DIAPH3: variants seen among roughly 807,000 people sequenced by gnomAD.
DIAPH3 encodes the protein diaphanous related formin 3, also known as protein diaphanous homolog 3.
In DIAPH3, 117 loss-of-function variants were observed where a neutral mutation model predicts 144.3. The observed-to-expected ratio is 0.81, with a 90% CI of 0.70 to 0.95. The LOEUF (loss-of-function observed/expected upper bound fraction) is 0.95. Ranked by LOEUF, DIAPH3 falls within the 40% of genes least tolerant of loss-of-function variation. DIAPH3 has a pLI of 0.00. For missense variants in DIAPH3, 1,421 were observed against 1,412.7 expected, an observed-to-expected ratio of 1.01 and a Z score of -0.09; for synonymous variants, 519 against 488.9, an observed-to-expected ratio of 1.06 and a Z score of -0.81.
rs1425099387 is a variant in DIAPH3 at position 59,750,752 on chromosome 13, C to G, written c.3319+23437G>C. Among the ~76,000 whole-genome samples the G allele has an allele frequency of 2.0e-5, 3 of 152,132 alleles. No homozygotes were observed. The East Asian group carries it at 5.8e-4, about 29-fold the overall frequency. ...TTTAGATGGAAATAAAAGGAATAAC[C>G]GTTGATCTGTCTCCTATAGCCTCTG... On this transcript the variant is annotated intron_variant, in intron 27 of 27. Coordinates refer to ENST00000400324, the MANE Select transcript of DIAPH3 (RefSeq NM_001042517.2).
intron 21 of DIAPH3, among the ~76,000 whole-genome samples, chr13:59,866,206 A>G (rs1383864387): frequency 6.6e-6 from 1 of 152,020 alleles, no homozygotes; most frequent in African/African-American, 2.4e-5. Context: ...GCCAAATAAT[A>G]TAACACATGT....
chr13:60,126,588 C>G (rs1293395634), intron 2 of DIAPH3, among the ~76,000 whole-genome samples: 1 of 152,118 alleles, frequency 6.6e-6, no homozygotes, highest in Non-Finnish European at 1.5e-5. Context: ...AAGATGTGAA[C>G]AGCACTACCA....
At chr13:59,843,415 G>A (rs994266458) in intron 22 of DIAPH3, among the ~76,000 whole-genome samples, 2 of 152,062 alleles carry the variant, frequency 1.3e-5, no homozygotes, top group Non-Finnish European at 2.9e-5. Flanking sequence ...GGTGGGAGAG[G>A]GACTTAGTCC....
At chr13:60,096,155 G>T (rs1475242349) in intron 3 of DIAPH3, among the ~76,000 whole-genome samples, 1 of 152,148 alleles carries the variant, frequency 6.6e-6, no homozygotes, top group Non-Finnish European at 1.5e-5. Flanking sequence ...ATAGTTAGGG[G>T]ATAATTGTTA....
At chr13:59,702,886 T>A (rs1242824108) in intron 27 of DIAPH3, among the ~76,000 whole-genome samples, 1 of 152,172 alleles carries the variant, frequency 6.6e-6, no homozygotes, top group East Asian at 1.9e-4. Flanking sequence ...CCTGCACTCA[T>A]GTGCAAGGCT....
In DIAPH3 at chr13:59,810,938, A is replaced by G. The variant is rs975879648; in HGVS notation, c.3028-15T>C. On this transcript the variant is annotated splice_polypyrimidine_tract_variant and intron_variant, in intron 24 of 27. Coordinates refer to ENST00000400324, the MANE Select transcript of DIAPH3 (RefSeq NM_001042517.2). The stretch of plus-strand genomic sequence containing the variant: ...TTTATTGCTTGCTAAAAAAATTTTG[A>G]AAAATGATCAATTTTAACCAGTGAT... The G allele has an allele frequency of 2.5e-6, 4 of 1,591,268 alleles. No individual in the cohort carries two copies. The African/African-American group carries it at 5.4e-5, about 22-fold the overall frequency.
chr13:59,888,170 G>C (rs556531742), intron 20 of DIAPH3, among the ~76,000 whole-genome samples: 2 of 152,060 alleles, frequency 1.3e-5, no homozygotes, highest in Non-Finnish European at 2.9e-5. Flanking sequence ...GGGGCCTTTG[G>C]GGGTGATTGG....
intron 5 of DIAPH3, chr13:60,034,346 T>A (rs1257570746): frequency 6.6e-6 from 1 of 152,248 alleles, no homozygotes; most frequent in Non-Finnish European, 1.5e-5. Flanking sequence ...TAAAGTTTAA[T>A]GAGTTTTTTT....
chr13:60,019,611 A>AC (rs1216160071), intron 5 of DIAPH3, among the ~76,000 whole-genome samples: 1 of 17,960 alleles, frequency 5.6e-5, no homozygotes, highest in Non-Finnish European at 1.2e-4. Context: ...ATAAAAATTA[A>AC]AAAAAAAAAA....
chr13:59,781,728 C>T (rs1312780974), intron 25 of DIAPH3, among the ~76,000 whole-genome samples: 1 of 152,196 alleles, frequency 6.6e-6, no homozygotes, highest in African/African-American at 2.4e-5. Flanking sequence ...TTTGAGAAGT[C>T]TCTATTAATC....
At chr13:59,723,374 T>C (rs192313442) in intron 27 of DIAPH3, among the ~76,000 whole-genome samples, 1 of 152,282 alleles carries the variant, frequency 6.6e-6, no homozygotes, top group East Asian at 1.9e-4. Context: ...ACATGCTACA[T>C]CTGCTCCTGC....
In DIAPH3 at chr13:60,021,595, T is replaced by C. The variant is rs376229161; in HGVS notation, c.627-5450A>G. Among the ~76,000 whole-genome samples the C allele has an allele frequency of 3.3e-4, 50 of 151,008 alleles. 1 individual carries two copies. In the East Asian group the frequency reaches 5.7e-3, roughly 17 times the overall value. ...GCCAAGATGGTGCCTGGGCTCCATC[T>C]TGCCCAGACAACAAGTGCAAGATGG... On this transcript the variant is annotated intron_variant, in intron 5 of 27. Transcript: ENST00000400324.
chr13:59,872,623 T>G (rs1242540291), intron 21 of DIAPH3, among the ~76,000 whole-genome samples: 1 of 152,240 alleles, frequency 6.6e-6, no homozygotes, highest in Non-Finnish European at 1.5e-5. Context: ...ATGCAGACCC[T>G]TGATAAAGGA....
intron 4 of DIAPH3, among the ~76,000 whole-genome samples, chr13:60,088,188 A>T (rs143983582): frequency 1.8e-3 from 270 of 150,238 alleles, no homozygotes; most frequent in African/African-American, 6.2e-3. Flanking sequence ...TTGGGGAAAA[A>T]GACAACTCGC....
At chr13:59,700,128 C>T (rs1488963727) in intron 27 of DIAPH3, among the ~76,000 whole-genome samples, 2 of 152,138 alleles carry the variant, frequency 1.3e-5, no homozygotes, top group Non-Finnish European at 2.9e-5. Context: ...TTTTAGTTAG[C>T]GTTACCACCA....
At chr13:60,017,681 A>G (rs1012104672) in intron 5 of DIAPH3, among the ~76,000 whole-genome samples, 2 of 152,214 alleles carry the variant, frequency 1.3e-5, no homozygotes, top group African/African-American at 4.8e-5. Flanking sequence ...GAAATTTGCC[A>G]TTTAGACTGG....
chr13:59,962,553 C>G (rs914128133), intron 17 of DIAPH3, among the ~76,000 whole-genome samples: 1 of 152,128 alleles, frequency 6.6e-6, no homozygotes, highest in Admixed American at 6.5e-5. Flanking sequence ...AATGGCTGAG[C>G]CTGGCACAAG....
chr13:59,681,146 T>C (rs1307315970), intron 27 of DIAPH3, among the ~76,000 whole-genome samples: 2 of 152,206 alleles, frequency 1.3e-5, no homozygotes, highest in African/African-American at 2.4e-5. Flanking sequence ...AGGTTTATTA[T>C]GTGGCATATC....
intron 25 of DIAPH3, among the ~76,000 whole-genome samples, chr13:59,780,387 T>C (rs1339364770): frequency 1.3e-5 from 2 of 152,136 alleles, no homozygotes; most frequent in Non-Finnish European, 2.9e-5. Flanking sequence ...AATAAGATGT[T>C]TAGATGATTT....
Sources: gnomAD v4.1 joint callset for allele counts (sites outside exome capture counted in the v4.1 genomes callset) on GRCh38, gnomAD v4.1.1 for gene constraint, MANE v1.5 for transcripts, NCBI Gene and HGNC (gene_info 2026-07-23, HGNC 2026-07-21) for gene names.